CEP192: variants seen among roughly 807,000 people sequenced by gnomAD.
CEP192 encodes centrosomal protein 192, also known as centrosomal protein of 192 kDa.
In CEP192, 151 loss-of-function variants were observed where a neutral mutation model predicts 271.8. That is an observed-to-expected ratio of 0.56 (90% CI 0.49 to 0.64). CEP192 has a LOEUF of 0.64. Ranked by LOEUF, CEP192 falls within the 30% of genes least tolerant of loss-of-function variation. CEP192 has a pLI of 0.00. For synonymous variants in CEP192, 995 were observed against 1,076.5 expected, an observed-to-expected ratio of 0.92 and a Z score of 1.48; for missense variants, 2,910 against 3,020.5, an observed-to-expected ratio of 0.96 and a Z score of 0.86.
At position 13,049,686 on chromosome 18, in the gene CEP192, G is replaced by A; in HGVS notation, c.2890+5G>A. 6.2e-7 allele frequency: 1 copy of A among 1,605,262 alleles called. No individual in the cohort carries two copies. Among genetic ancestry groups the A allele is most frequent in the Non-Finnish European group, 8.5e-7 (1 of 1,175,066 alleles). On this transcript the variant is annotated splice_donor_5th_base_variant and intron_variant, in intron 16 of 44. Transcript: ENST00000506447. The stretch of plus-strand genomic sequence containing the variant: ...TAGTCTCACCTAAAAATAGTGGTAA[G>A]TGTCTGAGTCGTTGGTCACATTCAT...
In CEP192 at chr18:13,056,548, T is replaced by C; in HGVS notation, c.3958T>C (p.Ser1320Pro). The change falls in exon 19 of 45, where the codon TCT (serine) becomes CCT (proline). Residue 1320 changes from serine (S) to proline (P), a missense_variant. Coordinates refer to ENST00000506447, the MANE Select transcript of CEP192 (RefSeq NM_032142.4). ...AATTTGTCTAGGATCAAATATCGGC[T>C]CTGGATGGATGGGTACCTCTTCCCT... ...VGICLGSNIG[S>P]GWMGTSSLCN... 1 of 1,614,220 alleles carries C rather than the reference T, an allele frequency of 6.2e-7. No individual in the cohort carries two copies. Among genetic ancestry groups the C allele is most frequent in the Non-Finnish European group, 8.5e-7 (1 of 1,180,036 alleles).
In CEP192 at chr18:13,056,147, C is replaced by A. The variant is rs1378118424; in HGVS notation, c.3557C>A (p.Pro1186His). 3 of 1,613,466 alleles carry A rather than the reference C, an allele frequency of 1.9e-6. No individual in the cohort carries two copies. The Admixed American group carries it at 5.0e-5, about 27-fold the overall frequency. The change falls in exon 19 of 45, where the codon CCT (proline) becomes CAT (histidine). Residue 1186 changes from proline to histidine, a missense_variant. Physicochemically the swap from Pro to His is moderately conservative, Grantham distance 77. Coordinates refer to ENST00000506447, the MANE Select transcript of CEP192 (RefSeq NM_032142.4). The stretch of plus-strand genomic sequence containing the variant: ...CAGGTGGGGTCAGCCACATCACACC[C>A]TGTGTCCTGCCAGGAGCCTATAGAT... The part of the protein sequence containing the change: ...SCQVGSATSH[P>H]VSCQEPIDED...
intron 20 of CEP192, chr18:13,058,812 T>G: frequency 2.3e-6 from 1 of 436,904 alleles, no homozygotes; most frequent in Non-Finnish European, 4.2e-6. Flanking sequence ...AGTGTCCTTT[T>G]TAAGACAAGT....
Position 13,000,091 on chromosome 18 carries a change from CT to C in CEP192, c.164+530del, listed in dbSNP as rs775544715. Among the ~76,000 whole-genome samples the C allele has an allele frequency of 3.9e-3, 298 of 76,738 alleles. 22 individuals are homozygous for C. Among genetic ancestry groups the C allele is most frequent in the East Asian group, 0.034 (89 of 2,628 alleles). The allele number at this position is 76,738 out of a possible 152,430, so 50.3% of individuals were successfully genotyped here. ...CTCTGTATAACTCATTGTCTTCTCT[CT>C]TTTTTTTTTTTTTTTTTTTTTTTTT... is the stretch of plus-strand genomic sequence containing the variant. On this transcript the variant is annotated intron_variant, in intron 2 of 44. Coordinates refer to ENST00000506447, the MANE Select transcript of CEP192 (RefSeq NM_032142.4).
At chr18:13,080,457 G>A (rs1286352073) in intron 30 of CEP192, among the ~76,000 whole-genome samples, 1 of 152,084 alleles carries the variant, frequency 6.6e-6, no homozygotes, top group Non-Finnish European at 1.5e-5. Context: ...TTGGTGTATA[G>A]GAATGCTTGT....
chr18:13,050,387 A>G (rs1697948558), intron 17 of CEP192, among the ~76,000 whole-genome samples: 1 of 152,170 alleles, frequency 6.6e-6, no homozygotes, highest in Non-Finnish European at 1.5e-5. Flanking sequence ...GATTTCAAAG[A>G]TACCTATTAA....
At chr18:13,078,633 G>A (rs11663521) in intron 30 of CEP192, among the ~76,000 whole-genome samples, 3 of 151,364 alleles carry the variant, frequency 2.0e-5, no homozygotes, top group African/African-American at 7.3e-5. Flanking sequence ...TTCTTTTGTT[G>A]TTGTTGTTGT....
chr18:13,045,769 C>A (rs1053929088), intron 15 of CEP192, among the ~76,000 whole-genome samples: 16 of 152,158 alleles, frequency 1.1e-4, no homozygotes, highest in African/African-American at 3.9e-4. Flanking sequence ...ATTGTTCTTG[C>A]TAACAAATCA....
At position 13,069,764 on chromosome 18, in the gene CEP192, AG is replaced by A; in HGVS notation, c.5083del (p.Val1695TrpfsTer33). 1 of 1,589,748 alleles carries A rather than the reference AG, an allele frequency of 6.3e-7. No individual in the cohort carries two copies. The highest frequency in any genetic ancestry group is 8.6e-7 in the Non-Finnish European group (1 of 1,158,978). On this transcript the variant is annotated frameshift_variant, in exon 27 of 45. Coordinates refer to ENST00000506447, the MANE Select transcript of CEP192 (RefSeq NM_032142.4). LOFTEE classifies it high-confidence loss of function. The stretch of plus-strand genomic sequence containing the variant: ...TCCCAGAACAAGGAAGTCACTTTTC[AG>A]TGGATCCAAAGAATCTACTCCTTAA... ...KVPEQGSHFS[V>X]DPKNLLLKPG...
At chr18:13,030,639 A>T in intron 11 of CEP192, 31 bp downstream of exon 11, 1 of 1,526,486 alleles carries the variant, frequency 6.6e-7, no homozygotes, top group Non-Finnish European at 9.0e-7. Context: ...TTATTATAAC[A>T]TTTTCACTGT....
Position 13,040,960 on chromosome 18 carries a change from A to G in CEP192, c.1936+4A>G. 9 of 1,596,160 alleles carry G rather than the reference A, an allele frequency of 5.6e-6. No homozygotes were observed. The highest frequency in any genetic ancestry group is 7.7e-6 in the Non-Finnish European group (9 of 1,174,296). ...CTTAACCATGATCTATATTCAGGTA[A>G]TGGATTCAATGAAGGGGCTTTTAGG... On this transcript the variant is annotated splice_donor_region_variant and intron_variant, in intron 14 of 44. Coordinates refer to ENST00000506447, the MANE Select transcript of CEP192 (RefSeq NM_032142.4).
intron 35 of CEP192, 142 bp from the exon 36 acceptor site, chr18:13,096,042 T>A (rs2039382892): frequency 2.4e-6 from 2 of 836,776 alleles, no homozygotes; most frequent in Admixed American, 5.6e-5. Flanking sequence ...CTACCAAGGA[T>A]TGGAAATTTC....
intron 9 of CEP192, among the ~76,000 whole-genome samples, chr18:13,022,001 T>C (rs1331129820): frequency 6.6e-6 from 1 of 152,240 alleles, no homozygotes; most frequent in East Asian, 1.9e-4. Flanking sequence ...TTTTATAGTT[T>C]TGCATTTTAC....
chr18:13,103,572 C>T lies in CEP192; in HGVS notation c.6935C>T (p.Ala2312Val), dbSNP rs758669979. ...GTGAAATGGCATCTGTCATCTTTAG[C>T]GCCACCTTATGTCAAGGTCAGTCAT... The part of the protein sequence containing the change: ...TDVKWHLSSL[A>V]PPYVKGVDES... Residue 2312 changes from alanine (A) to valine (V), a missense_variant, in exon 39 of 45, where the codon GCG becomes GTG. Physicochemically the swap from Ala to Val is moderately conservative, Grantham distance 64. Coordinates refer to ENST00000506447, the MANE Select transcript of CEP192 (RefSeq NM_032142.4). 3.0e-5 allele frequency: 48 copies of T among 1,613,060 alleles called. No individual in the cohort carries two copies. Among genetic ancestry groups the T allele is most frequent in the Non-Finnish European group, 3.9e-5 (46 of 1,179,186 alleles).
At chr18:13,050,483 G>C (rs936442172) in intron 17 of CEP192, among the ~76,000 whole-genome samples, 1 of 152,098 alleles carries the variant, frequency 6.6e-6, no homozygotes, top group African/African-American at 2.4e-5. Context: ...TCAATGGAGA[G>C]CTTAGTTCCT....
intron 21 of CEP192, among the ~76,000 whole-genome samples, chr18:13,067,454 C>T (rs941308530): frequency 6.6e-6 from 1 of 152,076 alleles, no homozygotes; most frequent in African/African-American, 2.4e-5. Context: ...TTAACATTTG[C>T]AGATTAAATC....
intron 1 of CEP192, among the ~76,000 whole-genome samples, chr18:12,994,280 T>A (rs2033075337): frequency 6.6e-6 from 1 of 152,120 alleles, no homozygotes; most frequent in Non-Finnish European, 1.5e-5. Context: ...GATAAACTTC[T>A]CTTAGAAGGT....
Position 13,048,971 on chromosome 18 carries a change from T to C in CEP192, c.2180T>C (p.Val727Ala). 2 of 1,614,080 alleles carry C rather than the reference T, an allele frequency of 1.2e-6. No homozygotes were observed. Among genetic ancestry groups the C allele is most frequent in the South Asian group, 2.2e-5 (2 of 91,074 alleles). ...TIASAIAEASVNTDPSQLAAM... is the reference protein window; with the variant it reads ...TIASAIAEASANTDPSQLAAM... ...GCTTCAGCCATTGCAGAGGCATCAG[T>C]TAATACTGATCCTTCCCAACTTGCT... Residue 727 changes from valine to alanine, a missense_variant, in exon 16 of 45, where the codon GTT (valine) becomes GCT (alanine). By Grantham distance (64) the Val-to-Ala change is moderately conservative (BLOSUM62 0). Coordinates refer to ENST00000506447, the MANE Select transcript of CEP192 (RefSeq NM_032142.4).
intron 7 of CEP192, 65 bp downstream of exon 7, chr18:13,017,401 G>A (rs1224785570): frequency 5.6e-6 from 7 of 1,244,486 alleles, no homozygotes; most frequent in Non-Finnish European, 7.6e-6. Context: ...GGTCTCCTTG[G>A]ATGTTCACAT....
Sources: allele counts gnomAD v4.1 joint callset (sites outside exome capture counted in the v4.1 genomes callset), GRCh38; gene constraint gnomAD v4.1.1; transcripts MANE v1.5; gene names NCBI Gene and HGNC (gene_info 2026-07-23, HGNC 2026-07-21).